The following CAPZB variants were observed in gnomAD, a reference collection of about 807,000 sequenced individuals.
The protein encoded by CAPZB is F-actin-capping protein subunit beta.
CAPZB carries 2 observed loss-of-function variants against 38.1 expected under a neutral mutation model. That is an observed-to-expected ratio of 0.05 (90% CI 0.02 to 0.17). The LOEUF (loss-of-function observed/expected upper bound fraction) is 0.17. Ranked by LOEUF, CAPZB falls within the 10% of genes least tolerant of loss-of-function variation. CAPZB has a pLI of 1.00. For synonymous variants in CAPZB, 107 were observed against 127.4 expected, an observed-to-expected ratio of 0.84 and a Z score of 1.08; for missense variants, 161 against 334.2, an observed-to-expected ratio of 0.48 and a Z score of 4.04.
intron 4 of CAPZB, among the ~76,000 whole-genome samples, chr1:19,360,497 C>G (rs1483946806): frequency 6.6e-6 from 1 of 152,228 alleles, no homozygotes; most frequent in African/African-American, 2.4e-5. Context: ...AAGGCTTGCT[C>G]TCCTCTGTGT....
chr1:19,414,794 A>T (rs2094372082), intron 2 of CAPZB, among the ~76,000 whole-genome samples: 1 of 152,208 alleles, frequency 6.6e-6, no homozygotes, highest in African/African-American at 2.4e-5. Flanking sequence ...TCTTCACATC[A>T]TATGATTCTT....
chr1:19,426,790 A>G (rs910701339), intron 1 of CAPZB, among the ~76,000 whole-genome samples: 1 of 152,220 alleles, frequency 6.6e-6, no homozygotes, highest in African/African-American at 2.4e-5. Flanking sequence ...AGAAACCATC[A>G]GAGACAATGA....
intron 6 of CAPZB, among the ~76,000 whole-genome samples, chr1:19,354,818 G>C (rs1220638839): frequency 6.6e-6 from 1 of 152,192 alleles, no homozygotes; most frequent in Non-Finnish European, 1.5e-5. Flanking sequence ...ACAGATTCAG[G>C]ATTTTCCACC....
chr1:19,386,483 G>A (rs2094204750), intron 2 of CAPZB, among the ~76,000 whole-genome samples: 1 of 152,204 alleles, frequency 6.6e-6, no homozygotes, highest in African/African-American at 2.4e-5. Context: ...GTTTATGGGG[G>A]CTCCACCATA....
intron 4 of CAPZB, among the ~76,000 whole-genome samples, chr1:19,361,100 A>G (rs750429067): frequency 6.6e-6 from 1 of 152,176 alleles, no homozygotes; most frequent in Non-Finnish European, 1.5e-5. Flanking sequence ...GCATTTTTCC[A>G]TGGAGCCGCA....
intron 1 of CAPZB, among the ~76,000 whole-genome samples, chr1:19,441,035 G>A (rs560068355): frequency 6.6e-6 from 1 of 152,294 alleles, no homozygotes; most frequent in African/African-American, 2.4e-5. Flanking sequence ...ACTCCAGCCT[G>A]GGCGACAGAG....
At chr1:19,343,691 C>T (rs1173039493) in intron 8 of CAPZB, among the ~76,000 whole-genome samples, 2 of 152,256 alleles carry the variant, frequency 1.3e-5, no homozygotes, top group Non-Finnish European at 2.9e-5. Context: ...ATGTCAGAGG[C>T]CTGCCTCCTG....
chr1:19,424,121 C>CTT (rs1227433888), intron 1 of CAPZB, among the ~76,000 whole-genome samples: 1 of 152,086 alleles, frequency 6.6e-6, no homozygotes, highest in African/African-American at 2.4e-5. Flanking sequence ...CATGAACACT[C>CTT]TTATTATTTA....
At chr1:19,458,599 G>A (rs189679944) in intron 1 of CAPZB, among the ~76,000 whole-genome samples, 71 of 152,268 alleles carry the variant, frequency 4.7e-4, no homozygotes, top group African/African-American at 1.7e-3. Context: ...CAGGTGATCC[G>A]CTCGCCTCAG....
rs1382735239 is a variant in CAPZB at position 19,349,348 on chromosome 1, GA to G, written c.589-4097del. Among the ~76,000 whole-genome samples the G allele has an allele frequency of 3.9e-5, 6 of 152,248 alleles. No homozygotes were observed. The East Asian group carries it at 1.2e-3, about 29-fold the overall frequency. ...GGAAGCCTGGGGGTTGGATGGAAAT[GA>G]ATGAGGTCCTTCCAGCAAATCAGAG... On this transcript the variant is annotated intron_variant, in intron 6 of 8. Transcript: ENST00000264202.
chr1:19,429,252 C>T (rs1217342962), intron 1 of CAPZB, among the ~76,000 whole-genome samples: 3 of 150,690 alleles, frequency 2.0e-5, no homozygotes, highest in Non-Finnish European at 4.4e-5. Flanking sequence ...GTTGAGAACC[C>T]AGAAAATTAG....
At chr1:19,405,886 C>T (rs556315884) in intron 2 of CAPZB, among the ~76,000 whole-genome samples, 22 of 152,294 alleles carry the variant, frequency 1.4e-4, no homozygotes, top group Non-Finnish European at 2.6e-4. Flanking sequence ...CATTAGGACC[C>T]GAGAGTCTGG....
chr1:19,339,611 C>T lies in CAPZB; in HGVS notation c.738G>A (p.Val246=), dbSNP rs1558163410. ...GTTTTGATTTGTCTGCAAAAGTCTG[C>T]ACAGACCTGCAAGGGAGGAAAGGCG... The part of the protein sequence containing the change: ...TKDIVNGLRS[V]QTFADKSKQE... Residue 246 remains valine, a synonymous_variant, in exon 9 of 9, where the codon GTG becomes GTA. Coordinates refer to ENST00000264202, the MANE Select transcript of CAPZB (RefSeq NM_004930.5). The T allele has an allele frequency of 1.2e-6, 2 of 1,612,950 alleles. No individual in the cohort carries two copies. Among genetic ancestry groups the T allele is most frequent in the Non-Finnish European group, 1.7e-6 (2 of 1,178,864 alleles).
At chr1:19,423,914 C>T (rs1157970498) in intron 1 of CAPZB, among the ~76,000 whole-genome samples, 3 of 152,054 alleles carry the variant, frequency 2.0e-5, no homozygotes, top group Admixed American at 6.5e-5. Context: ...TGACCTCAAG[C>T]GATCCGCCCA....
chr1:19,441,600 T>TG (rs1295810548), intron 1 of CAPZB, among the ~76,000 whole-genome samples: 1 of 151,150 alleles, frequency 6.6e-6, no homozygotes, highest in Non-Finnish European at 1.5e-5. Flanking sequence ...TACTCAGAAC[T>TG]ACGGAACTGA....
At chr1:19,346,603 G>C (rs1442664272) in intron 6 of CAPZB, among the ~76,000 whole-genome samples, 1 of 151,984 alleles carries the variant, frequency 6.6e-6, no homozygotes, top group African/African-American at 2.4e-5. Flanking sequence ...AGAGGGTACG[G>C]GCTCTGTTGC....
intron 7 of CAPZB, 118 bp from the exon 8 acceptor site, chr1:19,344,552 T>C (rs1402699056): frequency 2.6e-6 from 2 of 781,742 alleles, no homozygotes; most frequent in Non-Finnish European, 4.5e-6. Context: ...GGCACACGCC[T>C]GCTCTGGGGC....
chr1:19,403,142 A>C (rs2094312203), intron 2 of CAPZB, among the ~76,000 whole-genome samples: 1 of 152,184 alleles, frequency 6.6e-6, no homozygotes, highest in African/African-American at 2.4e-5. Context: ...AGACACAACT[A>C]TTCTGTTGTC....
chr1:19,351,427 A>T (rs2093991029), intron 6 of CAPZB, among the ~76,000 whole-genome samples: 1 of 151,758 alleles, frequency 6.6e-6, no homozygotes, highest in Non-Finnish European at 1.5e-5. Flanking sequence ...CCCATCTCAG[A>T]CTCCCAAGAA....
Sources: allele counts gnomAD v4.1 joint callset (sites outside exome capture counted in the v4.1 genomes callset), GRCh38; gene constraint gnomAD v4.1.1; transcripts MANE v1.5; gene names NCBI Gene and HGNC (gene_info 2026-07-23, HGNC 2026-07-21).